Variants in CHRNA4 observed in about 807,000 individuals in gnomAD.
CHRNA4 encodes the protein neuronal acetylcholine receptor subunit alpha-4.
Under a neutral mutation model 48.9 loss-of-function variants are expected in CHRNA4, and 28 were observed. The observed-to-expected ratio is 0.57, with a 90% CI of 0.42 to 0.79. The LOEUF (loss-of-function observed/expected upper bound fraction) is 0.79. Ranked by LOEUF, CHRNA4 falls within the 30% of genes least tolerant of loss-of-function variation. The pLI is 0.00. For missense variants in CHRNA4, 859 were observed against 898.4 expected (o/e 0.96, Z 0.56); for synonymous variants, 425 against 402.3 (o/e 1.06, Z -0.68).
rs2068779340 is a variant in CHRNA4 at position 63,359,790 on chromosome 20, C to A, written c.77-91G>T. ...CTCTCCAGGCTGCCCCAGCCCCCTG[C>A]CCAGCACGTCCACTTCCTTTCAGCT... On this transcript the variant is annotated intron_variant, in intron 1 of 5. Transcript: ENST00000370263. The A allele has an allele frequency of 2.1e-6, 3 of 1,446,918 alleles. No individual in the cohort carries two copies. In the Admixed American group the frequency reaches 6.0e-5, roughly 29 times the overall value. 89.6% of individuals were successfully genotyped at this position (1,446,918 alleles called of 1,614,324 possible). A position where few individuals can be genotyped will look rare whatever the true frequency, so the allele number is the denominator to read the frequency against.
intron 4 of CHRNA4, among the ~76,000 whole-genome samples, chr20:63,353,303 G>A (rs1276547247): frequency 6.6e-6 from 1 of 152,176 alleles, no homozygotes; most frequent in Non-Finnish European, 1.5e-5. Context: ...GGAACCCTGG[G>A]TCCTGTCCGG....
chr20:63,352,246 G>A (rs968410707), intron 4 of CHRNA4, among the ~76,000 whole-genome samples: 3 of 152,164 alleles, frequency 2.0e-5, no homozygotes, highest in African/African-American at 7.2e-5. Context: ...AGCTTCCTCT[G>A]TGCCTGCCCC....
rs748909457 is a variant in CHRNA4 at position 63,349,973 on chromosome 20, C to T, written c.1438G>A (p.Gly480Ser). ...HMSSPGEAVEGGVRCRSRSIQ... is the reference protein window; with the variant it reads ...HMSSPGEAVESGVRCRSRSIQ... ...CTCCGAGACCGGCACCGGACGCCGC[C>T]TTCCACCGCTTCGCCAGGGCTGGAC... Residue 480 changes from glycine (G) to serine (S), a missense_variant, in exon 5 of 6, where the codon GGC becomes AGC. Physicochemically the swap from Gly to Ser is moderately conservative, Grantham distance 56 (BLOSUM62 0). This residue lies in a region of CHRNA4 where 478 missense variants were observed against 455.4 expected (regional missense o/e 1.05). Coordinates refer to ENST00000370263, the MANE Select transcript of CHRNA4 (RefSeq NM_000744.7). 1 of 1,554,614 alleles carries T rather than the reference C, an allele frequency of 6.4e-7. No individual in the cohort carries two copies. Among genetic ancestry groups the T allele is most frequent in the East Asian group, 2.4e-5 (1 of 42,428 alleles).
At position 63,344,053 on chromosome 20, in the gene CHRNA4, A is replaced by G. The variant is rs1390625416; in HGVS notation, c.*2685T>C. The G allele has an allele frequency of 8.8e-6, 4 of 454,070 alleles. No homozygotes were observed. The highest frequency in any genetic ancestry group is 7.0e-5 in the Admixed American group (3 of 42,566). The allele number at this position is 454,070 out of a possible 1,614,324, so 28.1% of individuals were successfully genotyped here. On this transcript the variant is annotated 3_prime_UTR_variant, in exon 6 of 6. Coordinates refer to ENST00000370263, the MANE Select transcript of CHRNA4 (RefSeq NM_000744.7). The surrounding 1 kb of genome is among the most constrained non-coding windows in gnomAD (Gnocchi z 4.5). The stretch of plus-strand genomic sequence containing the variant: ...TCCTAATCACCGACAGCTGCAAGCA[A>G]AGTCCACTAACAGGTGATGGACAAA...
chr20:63,354,377 T>C (rs1263817028), intron 4 of CHRNA4, among the ~76,000 whole-genome samples: 1 of 133,330 alleles, frequency 7.5e-6, no homozygotes, highest in African/African-American at 2.9e-5. Context: ...ACTGTGATCC[T>C]TGTGGGGGCT....
rs200645961 is a variant in CHRNA4 at position 63,346,047 on chromosome 20, G to C, written c.*691C>G. 184 of 453,970 alleles carry C rather than the reference G, an allele frequency of 4.1e-4. No individual in the cohort carries two copies. Among genetic ancestry groups the C allele is most frequent in the African/African-American group, 3.0e-3 (152 of 50,112 alleles). 28.1% of individuals were successfully genotyped at this position (453,970 alleles called of 1,614,324 possible). A position where few individuals can be genotyped will look rare whatever the true frequency, so the allele number is the denominator to read the frequency against. On this transcript the variant is annotated 3_prime_UTR_variant, in exon 6 of 6. Transcript: ENST00000370263. ...GCCTGCGCAGGGGAGAGCTGGTCCCGCGTGGGCCTCCCGATTCTCCCCACG... is the reference window on the plus strand; with the variant it reads ...GCCTGCGCAGGGGAGAGCTGGTCCCCCGTGGGCCTCCCGATTCTCCCCACG...
chr20:63,354,972 T>C (rs1001775859), intron 4 of CHRNA4, among the ~76,000 whole-genome samples: 3 of 152,146 alleles, frequency 2.0e-5, no homozygotes, highest in African/African-American at 4.8e-5. Context: ...CTGGAATCAA[T>C]TGAGTTGGAA....
intron 5 of CHRNA4, among the ~76,000 whole-genome samples, chr20:63,347,998 C>T (rs373955320): frequency 1.4e-4 from 21 of 152,350 alleles, no homozygotes; most frequent in African/African-American, 4.1e-4. Flanking sequence ...GGGACGCGGC[C>T]GCCCTCTCGC....
chr20:63,358,081 C>G, intron 2 of CHRNA4, among the ~76,000 whole-genome samples: 1 of 152,142 alleles, frequency 6.6e-6, no homozygotes, highest in Non-Finnish European at 1.5e-5. Flanking sequence ...GCAGGCTTGC[C>G]AAGCCTGTGC....
rs761934698 is a variant in CHRNA4, at chr20:63,361,125, G to A, written c.41C>T (p.Pro14Leu). 8.7e-5 allele frequency: 128 copies of A among 1,478,004 alleles called. 2 individuals carry two copies. The South Asian group carries it at 1.5e-3, about 17-fold the overall frequency. 91.6% of individuals were successfully genotyped at this position (1,478,004 alleles called of 1,614,324 possible). The change falls in exon 1 of 6, where the codon CCG (proline) becomes CTG (leucine). Residue 14 changes from proline (P) to leucine (L), a missense_variant. Physicochemically the swap from Pro to Leu is moderately conservative, Grantham distance 98. Coordinates refer to ENST00000370263, the MANE Select transcript of CHRNA4 (RefSeq NM_000744.7). ...GGPGAPRLLP[P>L]LLLLLGTGLL... ...GCCGGTCCCCAGAAGCAGCAGCAGC[G>A]GCGGCAGCAGCCGCGGCGCTCCGGG...
intron 2 of CHRNA4, chr20:63,359,342 G>T: frequency 1.5e-6 from 1 of 669,310 alleles, no homozygotes; most frequent in South Asian, 1.7e-5. Flanking sequence ...GAAAGGGCAG[G>T]GCCTGGCTGG....
intron 4 of CHRNA4, chr20:63,354,485 A>T: frequency 2.1e-6 from 1 of 477,710 alleles, no homozygotes; most frequent in Non-Finnish European, 2.5e-6. Context: ...CTGTGGTCCT[A>T]GGGGGCTGTG....
At chr20:63,360,723 G>A (rs560426765) in intron 1 of CHRNA4, among the ~76,000 whole-genome samples, 8 of 152,334 alleles carry the variant, frequency 5.3e-5, no homozygotes, top group African/African-American at 1.4e-4. Flanking sequence ...TAAACCGGAG[G>A]AAGCAGGCAT....
At position 63,356,404 on chromosome 20, in the gene CHRNA4, GTTC is replaced by G; in HGVS notation, c.237_239del (p.Lys79del). On this transcript the variant is annotated inframe_deletion, in exon 3 of 6. Transcript: ENST00000370263. ...CCCATACGTTCGTGGTCATCATCTG[GTTC>G]TTCTCATCCTAGGGCACCGAGAGAG... 6.2e-7 allele frequency: 1 copy of G among 1,602,152 alleles called. No individual in the cohort carries two copies. Among genetic ancestry groups the G allele is most frequent in the Non-Finnish European group, 8.5e-7 (1 of 1,174,868 alleles).
In CHRNA4 at chr20:63,361,180, G is replaced by T. The variant is rs1364380043; in HGVS notation, c.-15C>A. 1 of 1,463,440 alleles carries T rather than the reference G, an allele frequency of 6.8e-7. No homozygotes were observed. Among genetic ancestry groups the T allele is most frequent in the South Asian group, 1.3e-5 (1 of 77,092 alleles). The allele number at this position is 1,463,440 out of a possible 1,614,324, so 90.7% of individuals were successfully genotyped here. ...CCTAGCTCCATGGCGCACGCACCTC[G>T]CGGGCTCTAGATGCGGGCGGCTCCC... On this transcript the variant is annotated 5_prime_UTR_variant, in exon 1 of 6. Transcript: ENST00000370263.
chr20:63,361,217 G>C lies in CHRNA4; in HGVS notation c.-52C>G. On this transcript the variant is annotated 5_prime_UTR_variant, in exon 1 of 6. Coordinates refer to ENST00000370263, the MANE Select transcript of CHRNA4 (RefSeq NM_000744.7). ...TGCGGGCGGCTCCCGGCTCCCCGCCGCTTCGAGGCCCGTGCGCGCCCAACT... is the reference window on the plus strand; with the variant it reads ...TGCGGGCGGCTCCCGGCTCCCCGCCCCTTCGAGGCCCGTGCGCGCCCAACT... 1 of 1,448,710 alleles carries C rather than the reference G, an allele frequency of 6.9e-7. No individual in the cohort carries two copies. Among genetic ancestry groups the C allele is most frequent in the African/African-American group, 1.5e-5 (1 of 67,162 alleles). The allele number at this position is 1,448,710 out of a possible 1,614,324, so 89.7% of individuals were successfully genotyped here.
At chr20:63,347,390 G>C (rs530461376) in intron 5 of CHRNA4, among the ~76,000 whole-genome samples, 4 of 152,352 alleles carry the variant, frequency 2.6e-5, no homozygotes, top group African/African-American at 9.6e-5. Context: ...TCTCACTCGA[G>C]CCTCCCCTGG....
At chr20:63,357,047 A>T (rs13040031) in intron 2 of CHRNA4, among the ~76,000 whole-genome samples, 105,801 of 141,766 alleles carry the variant, frequency 0.75, 39,275 homozygotes, top group East Asian at 0.88. Flanking sequence ...CAGGACCACA[A>T]CCCACAGGAC....
rs41283010 is a variant in CHRNA4, at chr20:63,345,697, G to T, written c.*1041C>A. On this transcript the variant is annotated 3_prime_UTR_variant, in exon 6 of 6. Transcript: ENST00000370263. The surrounding 1 kb of genome is among the most constrained non-coding windows in gnomAD (Gnocchi z 5.4). ...AGGGTCCCAGCATCTCCCAGGTGGAGGTCCTCAAGGATGCCCCCACCAGCT... is the reference window on the plus strand; with the variant it reads ...AGGGTCCCAGCATCTCCCAGGTGGATGTCCTCAAGGATGCCCCCACCAGCT... The T allele has an allele frequency of 2.2e-6, 1 of 453,676 alleles. No individual in the cohort carries two copies. Among genetic ancestry groups the T allele is most frequent in the East Asian group, 6.9e-5 (1 of 14,394 alleles). The allele number at this position is 453,676 out of a possible 1,614,324, so 28.1% of individuals were successfully genotyped here. A position where few individuals can be genotyped will look rare whatever the true frequency, so the allele number is the denominator to read the frequency against.
Sources: gnomAD v4.1 joint callset for allele counts (sites outside exome capture counted in the v4.1 genomes callset) on GRCh38, gnomAD v4.1.1 for gene constraint, gnomAD v4.1.1 regional missense constraint, Gnocchi (gnomAD v3.1) non-coding constraint, MANE v1.5 for transcripts, NCBI Gene and HGNC (gene_info 2026-07-23, HGNC 2026-07-21) for gene names.